MAPK8: variants seen among roughly 807,000 people sequenced by gnomAD.
MAPK8 encodes the protein JUN N-terminal kinase.
Under a neutral mutation model 52.9 loss-of-function variants are expected in MAPK8, and 13 were observed. That is an observed-to-expected ratio of 0.25 (90% CI 0.16 to 0.39). The LOEUF (loss-of-function observed/expected upper bound fraction) is 0.39, where lower values mean the gene tolerates loss of function less well. Among genes scored for constraint, MAPK8 ranks in the 10% least tolerant of loss-of-function variants. MAPK8 has a pLI of 1.00. For missense variants in MAPK8, 300 were observed against 519.2 expected (o/e 0.58, Z 4.10); for synonymous variants, 191 against 169.8 (o/e 1.12, Z -0.97).
Position 48,392,806 on chromosome 10 carries a change from A to G in MAPK8, c.-49-8806A>G, listed in dbSNP as rs2041696957. 3.3e-5 allele frequency among the ~76,000 whole-genome samples: 5 copies of G among 151,948 alleles called. No individual in the cohort carries two copies. In the South Asian group the frequency reaches 8.3e-4, roughly 25 times the overall value. On this transcript the variant is annotated intron_variant, in intron 1 of 11. Coordinates refer to ENST00000374189, the MANE Select transcript of MAPK8 (RefSeq NM_001323329.2). ...CTTGACCATTTACTCCTCTTTATCT[A>G]TTTCATCTTTGGTCTTCTTTGTTAA...
chr10:48,320,211 CTTTTTTTTTTTTTTTT>C (rs71026206), intron 1 of MAPK8, among the ~76,000 whole-genome samples: 53 of 35,326 alleles, frequency 1.5e-3, no homozygotes, highest in African/African-American at 3.7e-3. Context: ...ACTGCTCGGC[CTTTTTTTTTTTTTTTT>C]TTTTTTTTTT....
chr10:48,344,709 T>A (rs926636405), intron 1 of MAPK8, among the ~76,000 whole-genome samples: 1 of 152,200 alleles, frequency 6.6e-6, no homozygotes. Context: ...TTTAAAAAAA[T>A]TAATTAAAAA....
Position 48,324,916 on chromosome 10 carries a change from A to C in MAPK8, c.-50+18095A>C, listed in dbSNP as rs559884270. On this transcript the variant is annotated intron_variant, in intron 1 of 11. Transcript: ENST00000374189. Reference sequence around the variant, plus strand: ...TACCTGTGTGTTGAGTCTCTTGGTGAGCTTTGAATCAGTTATTTCATTTGG... The same window carrying C: ...TACCTGTGTGTTGAGTCTCTTGGTGCGCTTTGAATCAGTTATTTCATTTGG... 6.0e-5 allele frequency among the ~76,000 whole-genome samples: 9 copies of C among 150,852 alleles called. No homozygotes were observed. The East Asian group carries it at 1.8e-3, about 29-fold the overall frequency.
rs368000003 is a variant in MAPK8 at position 48,431,212 on chromosome 10, T to C, written c.1080T>C (p.Val360=). 6 of 1,610,686 alleles carry C rather than the reference T, an allele frequency of 3.7e-6. No individual in the cohort carries two copies. The highest frequency in any genetic ancestry group is 2.2e-5 in the South Asian group (2 of 90,994). The change falls in exon 11 of 12, where the codon GTT becomes GTC. Residue 360 remains valine, a synonymous_variant. Coordinates refer to ENST00000374189, the MANE Select transcript of MAPK8 (RefSeq NM_001323329.2). Reference sequence around the variant, plus strand: ...TTACAGAATTGATATATAAGGAAGTTATGGACTTGGAGGAGAGAACCAAGA... The same window carrying C: ...TTACAGAATTGATATATAAGGAAGTCATGGACTTGGAGGAGAGAACCAAGA... ...EEWKELIYKE[V]MDLEERTKNG...
At chr10:48,324,505 T>TTTTTTTTTTTTGG (rs1371802490) in intron 1 of MAPK8, among the ~76,000 whole-genome samples, 2 of 146,684 alleles carry the variant, frequency 1.4e-5, no homozygotes, top group Admixed American at 1.4e-4. Flanking sequence ...GTTTTCTAGT[T>TTTTTTTTTTTTGG]TTTTTTTTTT....
chr10:48,372,644 A>G (rs569842660), intron 1 of MAPK8, among the ~76,000 whole-genome samples: 82 of 152,216 alleles, frequency 5.4e-4, no homozygotes, highest in African/African-American at 1.9e-3. Context: ...GATTAACTCA[A>G]TGAAATAAAG....
chr10:48,409,828 A>C, intron 3 of MAPK8, 51 bp from the exon 4 acceptor site: 3 of 1,249,186 alleles, frequency 2.4e-6, no homozygotes, highest in Non-Finnish European at 3.4e-6. Context: ...TCCCAAATTA[A>C]AATATTATGA....
intron 1 of MAPK8, among the ~76,000 whole-genome samples, chr10:48,374,085 G>A (rs557848191): frequency 3.3e-5 from 5 of 152,258 alleles, no homozygotes; most frequent in African/African-American, 9.6e-5. Context: ...TCAGGATTAA[G>A]AAACTCACTC....
intron 1 of MAPK8, among the ~76,000 whole-genome samples, chr10:48,373,784 C>G (rs1351614527): frequency 6.6e-6 from 1 of 151,790 alleles, no homozygotes; most frequent in Non-Finnish European, 1.5e-5. Flanking sequence ...GGCAGACTCC[C>G]ACACAATAAT....
chr10:48,319,676 G>T (rs977952753), intron 1 of MAPK8, among the ~76,000 whole-genome samples: 1 of 151,904 alleles, frequency 6.6e-6, no homozygotes, highest in Non-Finnish European at 1.5e-5. Flanking sequence ...ATTTTTAGTA[G>T]AAACAGGGTT....
chr10:48,392,394 C>T (rs2041671124), intron 1 of MAPK8, among the ~76,000 whole-genome samples: 1 of 152,052 alleles, frequency 6.6e-6, no homozygotes, highest in Non-Finnish European at 1.5e-5. Context: ...GAGCCGGGAG[C>T]TGTGGATGAA....
At chr10:48,372,443 T>G (rs998660230) in intron 1 of MAPK8, among the ~76,000 whole-genome samples, 23 of 152,028 alleles carry the variant, frequency 1.5e-4, no homozygotes, top group Non-Finnish European at 8.8e-5. Flanking sequence ...AAGGAGCATA[T>G]TCTAACCCAA....
intron 1 of MAPK8, among the ~76,000 whole-genome samples, chr10:48,365,591 T>C (rs1412611525): frequency 6.6e-6 from 1 of 152,188 alleles, no homozygotes; most frequent in African/African-American, 2.4e-5. Flanking sequence ...AAACCTTTGC[T>C]AACTCTTGGT....
At chr10:48,313,198 C>T (rs1388428339) in intron 1 of MAPK8, among the ~76,000 whole-genome samples, 2 of 152,116 alleles carry the variant, frequency 1.3e-5, no homozygotes, top group East Asian at 1.9e-4. Flanking sequence ...TTTGGGAGGC[C>T]GAGGCGGGCG....
chr10:48,328,306 T>A (rs1384057424), intron 1 of MAPK8, among the ~76,000 whole-genome samples: 2 of 152,120 alleles, frequency 1.3e-5, no homozygotes, highest in African/African-American at 2.4e-5. Flanking sequence ...CCAGCTTTTT[T>A]TTTTTTCTTT....
intron 1 of MAPK8, among the ~76,000 whole-genome samples, chr10:48,348,082 C>T (rs1270147510): frequency 1.3e-5 from 2 of 152,176 alleles, no homozygotes; most frequent in Non-Finnish European, 2.9e-5. Flanking sequence ...TTAATGTTCG[C>T]CATTCTAACT....
Position 48,435,057 on chromosome 10 carries a change from G to GGT in MAPK8, c.*28_*29insGT. On this transcript the variant is annotated 3_prime_UTR_variant, in exon 12 of 12. Coordinates refer to ENST00000374189, the MANE Select transcript of MAPK8 (RefSeq NM_001323329.2). The stretch of plus-strand genomic sequence containing the variant: ...ACTTGGGCCATCGGGGGGTGGGAGG[G>GGT]ATGGGGAGTCGGTTAGTCATTGATA... 2.4e-6 allele frequency: 1 copy of GGT among 421,622 alleles called. No homozygotes were observed. The highest frequency in any genetic ancestry group is 4.7e-6 in the Non-Finnish European group (1 of 213,334). 26.1% of individuals were successfully genotyped at this position (421,622 alleles called of 1,614,324 possible).
At chr10:48,426,301 AAAT>A (rs2043681175) in intron 8 of MAPK8, 76 bp from the exon 9 acceptor site, 1 of 1,314,992 alleles carries the variant, frequency 7.6e-7, no homozygotes, top group Non-Finnish European at 1.0e-6. Flanking sequence ...GCTTTTTAAA[AAAT>A]CTCAAATTGC....
intron 5 of MAPK8, among the ~76,000 whole-genome samples, chr10:48,413,858 T>TATATATATATATAACA (rs1444968579): frequency 7.5e-6 from 1 of 133,648 alleles, no homozygotes; most frequent in Non-Finnish European, 1.6e-5. Flanking sequence ...TATATATATA[T>TATATATATATATAACA]ATTCAGAAAT....
Sources: allele counts gnomAD v4.1 joint callset (sites outside exome capture counted in the v4.1 genomes callset), GRCh38; gene constraint gnomAD v4.1.1; transcripts MANE v1.5; gene names NCBI Gene and HGNC (gene_info 2026-07-23, HGNC 2026-07-21).